SLCO3A1: variants seen among roughly 807,000 people sequenced by gnomAD.
SLCO3A1 encodes the protein PGE1 transporter.
In SLCO3A1, 27 loss-of-function variants were observed where a neutral mutation model predicts 63.1. The ratio of observed to expected loss-of-function variants is 0.43; its 90% CI spans 0.32 to 0.59. The LOEUF (loss-of-function observed/expected upper bound fraction) is 0.59, where lower values mean the gene tolerates loss of function less well. Among genes scored for constraint, SLCO3A1 ranks in the 20% least tolerant of loss-of-function variants. The pLI is 0.09. For missense variants in SLCO3A1, 773 were observed against 945.8 expected (o/e 0.82, Z 2.40); for synonymous variants, 473 against 409.9 (o/e 1.15, Z -1.86).
intron 2 of SLCO3A1, among the ~76,000 whole-genome samples, chr15:92,091,645 A>C (rs2047478442): frequency 1.3e-5 from 2 of 152,178 alleles, no homozygotes; most frequent in African/African-American, 4.8e-5. Flanking sequence ...CCACCACCGG[A>C]CTGTCCTTTG....
rs191007253 is a variant in SLCO3A1 at position 91,927,998 on chromosome 15, A to C, written c.646+11540A>C. On this transcript the variant is annotated intron_variant, in intron 2 of 9. Transcript: ENST00000318445. ...AGATCTACCATATTGATTGAAGAAC[A>C]TGTTAATACCTGTGATTCTGGTGAC... Among the ~76,000 whole-genome samples, 99 of 152,374 alleles carry C rather than the reference A, an allele frequency of 6.5e-4. No homozygotes were observed. In the East Asian group the frequency reaches 0.018, roughly 27 times the overall value.
chr15:92,063,718 C>T (rs1304209014), intron 2 of SLCO3A1, among the ~76,000 whole-genome samples: 4 of 152,048 alleles, frequency 2.6e-5, no homozygotes, highest in Non-Finnish European at 4.4e-5. Context: ...GGCATGGTGG[C>T]GCGTACCTGT....
At chr15:92,065,963 C>T (rs1453213006) in intron 2 of SLCO3A1, among the ~76,000 whole-genome samples, 1 of 152,172 alleles carries the variant, frequency 6.6e-6, no homozygotes, top group Non-Finnish European at 1.5e-5. Context: ...CCAGGAAGCT[C>T]CCAGGAAACT....
chr15:91,977,303 C>T (rs1901154040), intron 2 of SLCO3A1, among the ~76,000 whole-genome samples: 1 of 152,148 alleles, frequency 6.6e-6, no homozygotes, highest in Non-Finnish European at 1.5e-5. Flanking sequence ...ATGTTGCTGA[C>T]CCTCCTTTCT....
intron 2 of SLCO3A1, among the ~76,000 whole-genome samples, chr15:92,080,895 C>T (rs185298597): frequency 6.3e-4 from 92 of 145,886 alleles, no homozygotes; most frequent in Middle Eastern, 3.5e-3. Flanking sequence ...TTTTTTTGGG[C>T]GGGGGAAGGT....
At chr15:92,155,247 G>A (rs935365678) in intron 9 of SLCO3A1, 1 of 152,284 alleles carries the variant, frequency 6.6e-6, no homozygotes, top group African/African-American at 2.4e-5. Context: ...CTGCTCCTGA[G>A]TTGGTCTAGA....
chr15:91,899,609 T>C lies in SLCO3A1; in HGVS notation c.181-16384T>C, dbSNP rs1031572316. Among the ~76,000 whole-genome samples the C allele has an allele frequency of 3.3e-5, 5 of 152,318 alleles. No homozygotes were observed. The South Asian group carries it at 6.2e-4, about 19-fold the overall frequency. On this transcript the variant is annotated intron_variant, in intron 1 of 9. Coordinates refer to ENST00000318445, the MANE Select transcript of SLCO3A1 (RefSeq NM_013272.4). ...TCTGTGCATTGTCTTTTTTCCATTT[T>C]ATTGGGGTATAATTTATATACCATA...
intron 1 of SLCO3A1, among the ~76,000 whole-genome samples, chr15:91,889,897 C>A (rs1019741481): frequency 4.6e-5 from 7 of 150,994 alleles, no homozygotes; most frequent in Admixed American, 3.9e-4. Flanking sequence ...GAAAGATAGT[C>A]TTTCCTAGTC....
intron 2 of SLCO3A1, among the ~76,000 whole-genome samples, chr15:92,032,412 A>G (rs2046662904): frequency 6.6e-6 from 1 of 152,054 alleles, no homozygotes; most frequent in Non-Finnish European, 1.5e-5. Flanking sequence ...GGCTGCAGGG[A>G]AGTCTGAGAG....
intron 2 of SLCO3A1, among the ~76,000 whole-genome samples, chr15:92,011,286 T>C (rs557744800): frequency 6.6e-6 from 1 of 152,314 alleles, no homozygotes; most frequent in African/African-American, 2.4e-5. Context: ...TACCTTATGA[T>C]CAAATCAGGG....
chr15:92,117,092 A>C (rs1340252287), intron 4 of SLCO3A1, among the ~76,000 whole-genome samples: 6 of 152,240 alleles, frequency 3.9e-5, no homozygotes, highest in Non-Finnish European at 8.8e-5. Flanking sequence ...TTATCTCCAG[A>C]ATAATTAAAT....
chr15:91,929,462 G>A lies in SLCO3A1; in HGVS notation c.646+13004G>A, dbSNP rs141293878. On this transcript the variant is annotated intron_variant, in intron 2 of 9. Transcript: ENST00000318445. ...ACCACGTGTTCCATGTTGGAGCATTGGTGCAAAGTTGGGAGACTCAGCTCC... is the reference window on the plus strand; with the variant it reads ...ACCACGTGTTCCATGTTGGAGCATTAGTGCAAAGTTGGGAGACTCAGCTCC... Among the ~76,000 whole-genome samples, 442 of 152,264 alleles carry A rather than the reference G, an allele frequency of 2.9e-3. 6 individuals are homozygous for A. The highest frequency in any genetic ancestry group is 0.01 in the African/African-American group (426 of 41,548).
At chr15:92,124,464 G>T (rs1214041959) in intron 5 of SLCO3A1, among the ~76,000 whole-genome samples, 5 of 152,122 alleles carry the variant, frequency 3.3e-5, no homozygotes, top group African/African-American at 1.2e-4. Flanking sequence ...CTTTCTGGGT[G>T]TGGGCATGTT....
intron 1 of SLCO3A1, among the ~76,000 whole-genome samples, chr15:91,911,656 T>C (rs1336892286): frequency 6.6e-6 from 1 of 152,156 alleles, no homozygotes; most frequent in Non-Finnish European, 1.5e-5. Context: ...AGACGGAGTC[T>C]TGCTTTGTCA....
intron 1 of SLCO3A1, among the ~76,000 whole-genome samples, chr15:91,895,757 T>G (rs796493034): frequency 1.3e-5 from 2 of 152,270 alleles, no homozygotes; most frequent in African/African-American, 2.4e-5. Flanking sequence ...AGCTTTCTTC[T>G]ATCTAATCTT....
intron 1 of SLCO3A1, among the ~76,000 whole-genome samples, chr15:91,871,374 G>GA (rs955102780): frequency 1.3e-5 from 2 of 152,104 alleles, no homozygotes; most frequent in African/African-American, 4.8e-5. Flanking sequence ...CCTGTGTGGG[G>GA]GGCACACACT....
At chr15:92,129,055 C>G (rs1433021518) in intron 7 of SLCO3A1, among the ~76,000 whole-genome samples, 1 of 152,198 alleles carries the variant, frequency 6.6e-6, no homozygotes, top group Non-Finnish European at 1.5e-5. Flanking sequence ...GCTTTCCACG[C>G]TCTCTCCCTG....
intron 2 of SLCO3A1, among the ~76,000 whole-genome samples, chr15:91,984,676 A>T (rs1262167710): frequency 6.6e-6 from 1 of 152,230 alleles, no homozygotes; most frequent in Admixed American, 6.5e-5. Flanking sequence ...TGATGGCTTT[A>T]TACTGTCATC....
intron 2 of SLCO3A1, among the ~76,000 whole-genome samples, chr15:92,080,938 C>CTA (rs1555430719): frequency 1.6e-5 from 2 of 128,896 alleles, no homozygotes; most frequent in Non-Finnish European, 3.2e-5. Context: ...TACATAGTAG[C>CTA]TGTGTGTGTG....
Sources: gnomAD v4.1 joint callset for allele counts (sites outside exome capture counted in the v4.1 genomes callset) on GRCh38, gnomAD v4.1.1 for gene constraint, MANE v1.5 for transcripts, NCBI Gene and HGNC (gene_info 2026-07-23, HGNC 2026-07-21) for gene names.